Variants in CTNNA2 observed in about 807,000 individuals in gnomAD.
CTNNA2 encodes the protein catenin alpha 2.
Under a neutral mutation model 101.0 loss-of-function variants are expected in CTNNA2, and 42 were observed. The ratio of observed to expected loss-of-function variants is 0.42; its 90% CI spans 0.32 to 0.54. CTNNA2 has a LOEUF of 0.54. Ranked by LOEUF, CTNNA2 falls within the 20% of genes least tolerant of loss-of-function variation. The pLI is 0.14. For missense variants in CTNNA2, 871 were observed against 1,223.1 expected (o/e 0.71, Z 4.29); for synonymous variants, 450 against 456.4 (o/e 0.99, Z 0.18).
Position 79,783,647 on chromosome 2 carries a change from C to G in CTNNA2, c.298+39065C>G, listed in dbSNP as rs552433093. 2.0e-5 allele frequency among the ~76,000 whole-genome samples: 3 copies of G among 152,224 alleles called. No homozygotes were observed. The South Asian group carries it at 6.2e-4, about 32-fold the overall frequency. On this transcript the variant is annotated intron_variant, in intron 3 of 18. Transcript: ENST00000402739. ...TAAATTTGATCATTCTTTTCCCTAC[C>G]ATGTTCATCTCCAGGACTTCCCTCC... is the stretch of plus-strand genomic sequence containing the variant.
At chr2:80,363,144 A>G (rs751391596) in intron 7 of CTNNA2, among the ~76,000 whole-genome samples, 5 of 152,126 alleles carry the variant, frequency 3.3e-5, no homozygotes, top group Non-Finnish European at 5.9e-5. Context: ...ATCCTGCAAG[A>G]TACATTTTAA....
intron 7 of CTNNA2, among the ~76,000 whole-genome samples, chr2:80,239,709 C>T (rs576284874): frequency 1.5e-3 from 233 of 151,892 alleles, no homozygotes; most frequent in African/African-American, 5.4e-3. Flanking sequence ...GTCAGGAGTT[C>T]GAGACCAGCC....
chr2:79,581,521 T>C (rs1396453092), intron 1 of CTNNA2, among the ~76,000 whole-genome samples: 1 of 151,814 alleles, frequency 6.6e-6, no homozygotes, highest in Non-Finnish European at 1.5e-5. Flanking sequence ...GAAGACTCTA[T>C]CTCAAAAGAA....
intron 7 of CTNNA2, among the ~76,000 whole-genome samples, chr2:80,277,015 C>T (rs1332627118): frequency 6.6e-6 from 1 of 152,092 alleles, no homozygotes; most frequent in African/African-American, 2.4e-5. Flanking sequence ...AAGCTTCTGA[C>T]AAACTGAAGA....
At chr2:79,832,565 C>G (rs1172683214) in intron 3 of CTNNA2, among the ~76,000 whole-genome samples, 1 of 152,084 alleles carries the variant, frequency 6.6e-6, no homozygotes, top group Non-Finnish European at 1.5e-5. Context: ...CAGTTTCTGG[C>G]CATTATCTTT....
intron 7 of CTNNA2, among the ~76,000 whole-genome samples, chr2:80,367,215 C>A (rs1285798252): frequency 6.6e-6 from 1 of 152,060 alleles, no homozygotes; most frequent in Admixed American, 6.6e-5. Flanking sequence ...AAACAAAATA[C>A]TTCATTATCA....
intron 18 of CTNNA2, among the ~76,000 whole-genome samples, chr2:80,646,167 G>T (rs1016621449): frequency 1.2e-4 from 19 of 152,186 alleles, no homozygotes; most frequent in Non-Finnish European, 2.4e-4. Context: ...AGAACCATAA[G>T]ATCTACAGTC....
intron 2 of CTNNA2, among the ~76,000 whole-genome samples, chr2:79,655,748 G>A (rs1681565699): frequency 6.6e-6 from 1 of 150,902 alleles, no homozygotes; most frequent in Non-Finnish European, 1.5e-5. Flanking sequence ...AGAATCACTT[G>A]AACACAGGAG....
At chr2:80,096,919 C>T (rs1273336031) in intron 7 of CTNNA2, among the ~76,000 whole-genome samples, 3 of 152,032 alleles carry the variant, frequency 2.0e-5, no homozygotes, top group Middle Eastern at 3.2e-3. Context: ...TGAGATGGGT[C>T]TCCTGAATAC....
chr2:79,807,616 G>C (rs556771448), intron 3 of CTNNA2, among the ~76,000 whole-genome samples: 1 of 152,174 alleles, frequency 6.6e-6, no homozygotes, highest in South Asian at 2.1e-4. Flanking sequence ...CTCTTTGAAA[G>C]TTATTAAAGT....
At chr2:80,144,660 T>A (rs1703220336) in intron 7 of CTNNA2, among the ~76,000 whole-genome samples, 1 of 152,186 alleles carries the variant, frequency 6.6e-6, no homozygotes, top group African/African-American at 2.4e-5. Flanking sequence ...TTCGCCCAAG[T>A]CACTTCCTAT....
intron 2 of CTNNA2, among the ~76,000 whole-genome samples, chr2:79,264,929 G>C (rs1674970338): frequency 6.6e-6 from 1 of 152,080 alleles, no homozygotes; most frequent in Non-Finnish European, 1.5e-5. Flanking sequence ...ATTATCTTCT[G>C]CATACAACAC....
At chr2:79,222,527 T>C (rs1674358150) in intron 2 of CTNNA2, among the ~76,000 whole-genome samples, 1 of 152,176 alleles carries the variant, frequency 6.6e-6, no homozygotes, top group Non-Finnish European at 1.5e-5. Context: ...CTTCTGTTGA[T>C]AGCACAGGTG....
intron 14 of CTNNA2, among the ~76,000 whole-genome samples, chr2:80,583,341 CCCT>C (rs1695700216): frequency 6.6e-6 from 1 of 152,054 alleles, no homozygotes; most frequent in Non-Finnish European, 1.5e-5. Context: ...GCATAGAGCC[CCCT>C]ATTTCAAAAA....
intron 17 of CTNNA2, 86 bp from the exon 18 acceptor site, chr2:80,618,999 C>T: frequency 1.1e-6 from 1 of 923,228 alleles, no homozygotes; most frequent in Non-Finnish European, 1.5e-6. Flanking sequence ...CTTCCACTCC[C>T]TAATCCCTTC....
Position 79,195,320 on chromosome 2 carries a change from C to T in CTNNA2, c.-523-2639C>T, listed in dbSNP as rs962026723. ...TTTTCAGAATATTTCATCAGGAACT[C>T]AAACCTCATAAAAGAGACTTCCCTT... is the stretch of plus-strand genomic sequence containing the variant. On this transcript the variant is annotated intron_variant, in intron 1 of 21. Transcript: ENST00000466387. 6.6e-5 allele frequency among the ~76,000 whole-genome samples: 10 copies of T among 152,268 alleles called. 1 individual carries two copies. Among genetic ancestry groups the T allele is most frequent in the Non-Finnish European group, 7.4e-5 (5 of 68,026 alleles).
intron 7 of CTNNA2, among the ~76,000 whole-genome samples, chr2:80,195,654 G>A (rs1706780757): frequency 6.7e-6 from 1 of 149,986 alleles, no homozygotes; most frequent in Admixed American, 6.6e-5. Context: ...TATGATTTAG[G>A]ACATTAAAAA....
chr2:79,495,636 T>G (rs1333588936), intron 4 of CTNNA2, among the ~76,000 whole-genome samples: 1 of 152,178 alleles, frequency 6.6e-6, no homozygotes, highest in Non-Finnish European at 1.5e-5. Flanking sequence ...AGAGGAATTA[T>G]AACACATTCG....
chr2:80,521,315 A>C (rs974753415), intron 9 of CTNNA2, among the ~76,000 whole-genome samples: 1 of 152,164 alleles, frequency 6.6e-6, no homozygotes, highest in African/African-American at 2.4e-5. Flanking sequence ...AGGAGATGGG[A>C]GTCTTTATTT....
Sources: gnomAD v4.1 joint callset for allele counts (sites outside exome capture counted in the v4.1 genomes callset) on GRCh38, gnomAD v4.1.1 for gene constraint, MANE v1.5 for transcripts, NCBI Gene and HGNC (gene_info 2026-07-23, HGNC 2026-07-21) for gene names.